PLGRKT: variants seen among roughly 807,000 people sequenced by gnomAD.
PLGRKT encodes plasminogen receptor (KT).
Under a neutral mutation model 18.5 loss-of-function variants are expected in PLGRKT, and 22 were observed. That is an observed-to-expected ratio of 1.19 (90% CI 0.85 to 1.70). The LOEUF (loss-of-function observed/expected upper bound fraction) is 1.70. Ranked by LOEUF, PLGRKT falls within the 40% of genes most tolerant of loss-of-function variation. The probability of loss-of-function intolerance (pLI) is 0.00; values close to 1 mark genes in which losing one functional copy is unlikely to be tolerated. For missense variants in PLGRKT, 235 were observed against 174.4 expected, an observed-to-expected ratio of 1.35 and a Z score of -1.96; for synonymous variants, 72 against 52.8, an observed-to-expected ratio of 1.36 and a Z score of -1.58.
chr9:5,408,926 A>T (rs2131139754), intron 3 of PLGRKT, among the ~76,000 whole-genome samples: 1 of 152,356 alleles, frequency 6.6e-6, no homozygotes, highest in African/African-American at 2.4e-5. Flanking sequence ...CAGAGGGTGC[A>T]AGCTGTAAGT....
intron 3 of PLGRKT, among the ~76,000 whole-genome samples, chr9:5,401,618 A>G (rs1281176747): frequency 6.6e-6 from 1 of 151,870 alleles, no homozygotes; most frequent in African/African-American, 2.4e-5. Context: ...AACAATATAT[A>G]CTACTTATAA....
At chr9:5,406,217 T>C (rs1046286901) in intron 3 of PLGRKT, among the ~76,000 whole-genome samples, 1 of 152,210 alleles carries the variant, frequency 6.6e-6, no homozygotes, top group African/African-American at 2.4e-5. Context: ...CTCAAAGATT[T>C]AGAACCGAAA....
chr9:5,432,283 A>ATCTTGAAGAACTGAAT (rs1268090319), intron 2 of PLGRKT, among the ~76,000 whole-genome samples: 1 of 152,142 alleles, frequency 6.6e-6, no homozygotes, highest in Non-Finnish European at 1.5e-5. Context: ...CCCACCATAA[A>ATCTTGAAGAACTGAAT]TCTTGAAGAA....
chr9:5,361,759 C>T lies in PLGRKT; in HGVS notation c.211G>A (p.Gly71Arg), dbSNP rs1817270838. ...FGLAAISLTA[G>R]AIKKKKPAFL... ...GAAAATGTTAAATAGCAAACATACC[C>T]AGCTGTTAAAGAGATGGCTGCAAGG... Residue 71 changes from glycine (G) to arginine (R), a missense_variant and splice_region_variant, in exon 4 of 6, where the codon GGA becomes AGA. By Grantham distance (125) the Gly-to-Arg change is moderately radical. Transcript: ENST00000223864. 1 of 1,603,910 alleles carries T rather than the reference C, an allele frequency of 6.2e-7. No homozygotes were observed. Among genetic ancestry groups the T allele is most frequent in the Non-Finnish European group, 8.5e-7 (1 of 1,177,302 alleles).
chr9:5,437,034 T>C (rs1818973889), intron 1 of PLGRKT, among the ~76,000 whole-genome samples: 2 of 152,218 alleles, frequency 1.3e-5, no homozygotes. Context: ...GAGTGATGTT[T>C]TGCAGAGAAT....
chr9:5,408,994 C>CT (rs1818309436), intron 3 of PLGRKT, among the ~76,000 whole-genome samples: 1 of 152,220 alleles, frequency 6.6e-6, no homozygotes, highest in African/African-American at 2.4e-5. Context: ...AGAGTTGAGG[C>CT]TTGGGAGCCT....
At chr9:5,403,316 C>A (rs1021571528) in intron 3 of PLGRKT, among the ~76,000 whole-genome samples, 1 of 150,616 alleles carries the variant, frequency 6.6e-6, no homozygotes, top group South Asian at 2.1e-4. Flanking sequence ...CTCTGCCTCC[C>A]GGGTTCAAGT....
intron 3 of PLGRKT, among the ~76,000 whole-genome samples, chr9:5,411,813 C>T (rs1249596251): frequency 6.6e-6 from 1 of 152,152 alleles, no homozygotes; most frequent in Non-Finnish European, 1.5e-5. Context: ...TTCTGGAAGA[C>T]ATTAAAATAG....
chr9:5,392,522 T>C (rs1009909709), intron 3 of PLGRKT: 1 of 151,976 alleles, frequency 6.6e-6, no homozygotes, highest in African/African-American at 2.4e-5. Flanking sequence ...CATGAATATG[T>C]GAAGCAGGAG....
At chr9:5,406,103 G>C (rs1375649734) in intron 3 of PLGRKT, among the ~76,000 whole-genome samples, 3 of 152,152 alleles carry the variant, frequency 2.0e-5, no homozygotes, top group Non-Finnish European at 4.4e-5. Flanking sequence ...AAAAAATCAA[G>C]AAACAACAGA....
At chr9:5,373,787 A>G (rs1346221281) in intron 3 of PLGRKT, among the ~76,000 whole-genome samples, 1 of 152,100 alleles carries the variant, frequency 6.6e-6, no homozygotes, top group Non-Finnish European at 1.5e-5. Flanking sequence ...CAAAAAAGAA[A>G]AAGAAGAAAA....
chr9:5,377,070 C>A lies in PLGRKT; in HGVS notation c.82-15182G>T, dbSNP rs558709624. Among the ~76,000 whole-genome samples the A allele has an allele frequency of 1.1e-3, 165 of 152,074 alleles. 1 individual carries two copies. Among genetic ancestry groups the A allele is most frequent in the Non-Finnish European group, 1.5e-3 (105 of 67,970 alleles). On this transcript the variant is annotated intron_variant, in intron 3 of 5. Coordinates refer to ENST00000223864, the MANE Select transcript of PLGRKT (RefSeq NM_018465.4). ...GCCTGGGAAGTTAGAGATCTGTTTCCCTGTCCAATTGCAGGGCAGTGGATA... is the reference window on the plus strand; with the variant it reads ...GCCTGGGAAGTTAGAGATCTGTTTCACTGTCCAATTGCAGGGCAGTGGATA...
intron 3 of PLGRKT, among the ~76,000 whole-genome samples, chr9:5,414,101 T>C (rs1818414654): frequency 6.6e-6 from 1 of 152,126 alleles, no homozygotes; most frequent in Non-Finnish European, 1.5e-5. Context: ...GAACAGGGTA[T>C]TATAAAGAGG....
intron 3 of PLGRKT, among the ~76,000 whole-genome samples, chr9:5,378,609 G>T (rs757843766): frequency 4.6e-5 from 7 of 152,200 alleles, no homozygotes; most frequent in Non-Finnish European, 1.0e-4. Flanking sequence ...TAAGGAATAT[G>T]TTCAGTCTGT....
chr9:5,418,945 A>T lies in PLGRKT; in HGVS notation c.81+12952T>A. 1.3e-6 allele frequency: 1 copy of T among 759,518 alleles called. No homozygotes were observed. The highest frequency in any genetic ancestry group is 2.1e-5 in the Admixed American group (1 of 47,866). The allele number at this position is 759,518 out of a possible 1,614,324, so 47.0% of individuals were successfully genotyped here. On this transcript the variant is annotated intron_variant, in intron 3 of 5. Coordinates refer to ENST00000223864, the MANE Select transcript of PLGRKT (RefSeq NM_018465.4). The surrounding 1 kb of genome is among the most constrained non-coding windows in gnomAD (Gnocchi z 4.2). ...CTGCAGTAATTAAAACAGATCTGAC[A>T]TTCTAGCAGAGTCCTGGGACAGCGT...
rs892350364 is a variant in PLGRKT, at chr9:5,365,123, A to T, written c.82-3235T>A. On this transcript the variant is annotated intron_variant, in intron 3 of 5. Transcript: ENST00000223864. ...GACATGATTTCTACTCTCCAAAAAA[A>T]AATAAATAAATAAACCAGGGCTCCT... Among the ~76,000 whole-genome samples, 8 of 152,298 alleles carry T rather than the reference A, an allele frequency of 5.3e-5. No homozygotes were observed. The East Asian group carries it at 1.2e-3, about 22-fold the overall frequency.
intron 3 of PLGRKT, among the ~76,000 whole-genome samples, chr9:5,384,434 G>C (rs1817804292): frequency 6.6e-6 from 1 of 152,140 alleles, no homozygotes; most frequent in African/African-American, 2.4e-5. Context: ...AGTAGTGCAT[G>C]CTATATATCA....
chr9:5,359,617 G>C (rs1372461289), intron 5 of PLGRKT, among the ~76,000 whole-genome samples: 1 of 151,992 alleles, frequency 6.6e-6, no homozygotes, highest in East Asian at 1.9e-4. Flanking sequence ...AGTCGAATAG[G>C]GATTGTATAT....
chr9:5,358,147 T>C lies in PLGRKT; in HGVS notation c.*92A>G. The C allele has an allele frequency of 1.2e-6, 1 of 860,248 alleles. No individual in the cohort carries two copies. The highest frequency in any genetic ancestry group is 1.8e-6 in the Non-Finnish European group (1 of 556,006). The allele number at this position is 860,248 out of a possible 1,614,324, so 53.3% of individuals were successfully genotyped here. A position where few individuals can be genotyped will look rare whatever the true frequency, so the allele number is the denominator to read the frequency against. On this transcript the variant is annotated 3_prime_UTR_variant, in exon 6 of 6. Transcript: ENST00000223864. Reference sequence around the variant, plus strand: ...TTTTAATATTTTAAAATAAAATCTATAATATCAAAATCTTGAGCATTTAAA... The same window carrying C: ...TTTTAATATTTTAAAATAAAATCTACAATATCAAAATCTTGAGCATTTAAA...
Sources: allele counts gnomAD v4.1 joint callset (sites outside exome capture counted in the v4.1 genomes callset), GRCh38; gene constraint gnomAD v4.1.1; non-coding constraint Gnocchi (gnomAD v3.1); transcripts MANE v1.5; gene names NCBI Gene and HGNC (gene_info 2026-07-23, HGNC 2026-07-21).